The following HSD17B12 variants were observed in gnomAD, a reference collection of about 807,000 sequenced individuals.
The protein encoded by HSD17B12 is very-long-chain 3-oxoacyl-CoA reductase.
Under a neutral mutation model 39.3 loss-of-function variants are expected in HSD17B12, and 32 were observed. The observed-to-expected ratio is 0.81, with a 90% confidence interval of 0.61 to 1.09. HSD17B12 has a LOEUF of 1.09. Ranked by LOEUF, HSD17B12 falls within the 50% of genes least tolerant of loss-of-function variation. HSD17B12 has a pLI of 0.00. For synonymous variants in HSD17B12, 150 were observed against 146.7 expected (o/e 1.02, Z -0.16); for missense variants, 342 against 382.9 (o/e 0.89, Z 0.89).
the HSD17B12 span, among the ~76,000 whole-genome samples, chr11:43,600,774 G>A: frequency 6.8e-4 from 104 of 151,958 alleles, no homozygotes; most frequent in African/African-American, 2.3e-3. Context: ...TTATTGGAAT[G>A]ATTTGCGTTA....
chr11:43,756,358 A>G (rs1950507760), intron 3 of HSD17B12, among the ~76,000 whole-genome samples: 1 of 152,132 alleles, frequency 6.6e-6, no homozygotes. Flanking sequence ...ATGCAACCCC[A>G]AAGGGCCAAG....
At chr11:43,592,719 G>A in the HSD17B12 span, among the ~76,000 whole-genome samples, 1 of 151,948 alleles carries the variant, frequency 6.6e-6, no homozygotes, top group Non-Finnish European at 1.5e-5. Flanking sequence ...CATCCTTCCT[G>A]TTGACTGTTA....
At chr11:43,697,670 G>A (rs1565052750) in intron 1 of HSD17B12, among the ~76,000 whole-genome samples, 2 of 152,194 alleles carry the variant, frequency 1.3e-5, no homozygotes, top group Non-Finnish European at 2.9e-5. Flanking sequence ...CAGGTGAGGG[G>A]TGTTGGAGGA....
At chr11:43,689,623 TG>T (rs1949833547) in intron 1 of HSD17B12, among the ~76,000 whole-genome samples, 1 of 152,186 alleles carries the variant, frequency 6.6e-6, no homozygotes, top group African/African-American at 2.4e-5. Flanking sequence ...CTCAGCTCAC[TG>T]CAGCCTCTGC....
At chr11:43,717,000 C>T (rs988042394) in intron 1 of HSD17B12, among the ~76,000 whole-genome samples, 2 of 151,988 alleles carry the variant, frequency 1.3e-5, no homozygotes, top group African/African-American at 2.4e-5. Context: ...ATCATTTTGA[C>T]CTTGCTTTTT....
intron 1 of HSD17B12, among the ~76,000 whole-genome samples, chr11:43,681,902 T>C (rs1590654322): frequency 1.3e-5 from 2 of 151,672 alleles, no homozygotes; most frequent in South Asian, 2.1e-4. Flanking sequence ...TGGCCTTTTT[T>C]CCCTTTAAAC....
the HSD17B12 span, among the ~76,000 whole-genome samples, chr11:43,661,335 T>C: frequency 6.6e-6 from 1 of 152,142 alleles, no homozygotes; most frequent in African/African-American, 2.4e-5. Flanking sequence ...TAAGGAGGCA[T>C]GAAGAAACTC....
At chr11:43,808,435 G>A (rs1304035715) in intron 4 of HSD17B12, among the ~76,000 whole-genome samples, 2 of 151,958 alleles carry the variant, frequency 1.3e-5, no homozygotes, top group Non-Finnish European at 2.9e-5. Context: ...ATTTATTTCT[G>A]TTTACTTGAA....
At chr11:43,630,805 C>CTT in the HSD17B12 span, among the ~76,000 whole-genome samples, 1,403 of 137,960 alleles carry the variant, frequency 0.01, 11 homozygotes, top group South Asian at 0.025. Context: ...TTTTTTCTTT[C>CTT]TTTTTTTTTT....
At chr11:43,694,613 C>T (rs181881758) in intron 1 of HSD17B12, among the ~76,000 whole-genome samples, 7 of 151,884 alleles carry the variant, frequency 4.6e-5, no homozygotes, top group East Asian at 1.9e-4. Context: ...GTTTGAGCCC[C>T]GGAGATTGAG....
chr11:43,603,653 C>T, the HSD17B12 span, among the ~76,000 whole-genome samples: 1 of 152,040 alleles, frequency 6.6e-6, no homozygotes, highest in Admixed American at 6.6e-5. Flanking sequence ...TTTGAAATTC[C>T]ACTGCCACTC....
At chr11:43,834,659 T>C (rs1335238383) in intron 7 of HSD17B12, among the ~76,000 whole-genome samples, 1 of 151,452 alleles carries the variant, frequency 6.6e-6, no homozygotes, top group Non-Finnish European at 1.5e-5. Context: ...GGCTTGGCAA[T>C]TTTTTTTTAA....
intron 1 of HSD17B12, among the ~76,000 whole-genome samples, chr11:43,741,809 C>CT (rs1255309312): frequency 6.7e-6 from 1 of 148,474 alleles, no homozygotes; most frequent in Non-Finnish European, 1.5e-5. Context: ...CCTCGGCTCA[C>CT]TGCAACCTCC....
chr11:43,782,462 C>G (rs1004698786), intron 3 of HSD17B12, among the ~76,000 whole-genome samples: 4 of 152,102 alleles, frequency 2.6e-5, no homozygotes, highest in Non-Finnish European at 5.9e-5. Context: ...AGGAGGATTA[C>G]CTGAGGTCAG....
the HSD17B12 span, among the ~76,000 whole-genome samples, chr11:43,600,715 A>G: frequency 3.9e-5 from 6 of 152,110 alleles, no homozygotes; most frequent in African/African-American, 1.4e-4. Flanking sequence ...TTATGCCTCA[A>G]TTTATTTATA....
intron 1 of HSD17B12, chr11:43,734,214 C>T (rs1378154102): frequency 1.6e-5 from 25 of 1,556,246 alleles, no homozygotes; most frequent in Non-Finnish European, 2.0e-5. Flanking sequence ...GACGACCTTA[C>T]GGAGCGAGCA....
chr11:43,677,747 C>T (rs1949704299), upstream of HSD17B12, among the ~76,000 whole-genome samples: 1 of 152,154 alleles, frequency 6.6e-6, no homozygotes, highest in Admixed American at 6.5e-5. Flanking sequence ...CCAGCTTCAT[C>T]CATGTCCCTA....
At chr11:43,804,096 A>G (rs1590314450) in intron 4 of HSD17B12, among the ~76,000 whole-genome samples, 1 of 152,204 alleles carries the variant, frequency 6.6e-6, no homozygotes, top group African/African-American at 2.4e-5. Flanking sequence ...TTCTACTACT[A>G]TGACTTTTTT....
chr11:43,844,370 A>G (rs904106795), intron 9 of HSD17B12, among the ~76,000 whole-genome samples: 4 of 152,164 alleles, frequency 2.6e-5, no homozygotes, highest in South Asian at 2.1e-4. Context: ...TTATATAATC[A>G]TTTCCTGGGA....
Sources: allele counts gnomAD v4.1 joint callset (sites outside exome capture counted in the v4.1 genomes callset), GRCh38; gene constraint gnomAD v4.1.1; transcripts MANE v1.5; gene names NCBI Gene and HGNC (gene_info 2026-07-23, HGNC 2026-07-21).